Variants in PTPRU observed in about 807,000 individuals in gnomAD.
PTPRU encodes the protein protein tyrosine phosphatase receptor type U.
PTPRU carries 69 observed loss-of-function variants against 166.3 expected under a neutral mutation model. That is an observed-to-expected ratio of 0.41 (90% CI 0.34 to 0.51). The LOEUF (loss-of-function observed/expected upper bound fraction) is 0.51, where lower values mean the gene tolerates loss of function less well. Ranked by LOEUF, PTPRU falls within the 20% of genes least tolerant of loss-of-function variation. The pLI is 0.09. For missense variants in PTPRU, 1,657 were observed against 2,013.7 expected (o/e 0.82, Z 3.39); for synonymous variants, 793 against 814.0 (o/e 0.97, Z 0.44).
Position 29,320,904 on chromosome 1 carries a change from C to A in PTPRU, c.3828+79C>A. 7.2e-7 allele frequency: 1 copy of A among 1,387,760 alleles called. No individual in the cohort carries two copies. Among genetic ancestry groups the A allele is most frequent in the South Asian group, 1.8e-5 (1 of 56,714 alleles). The allele number at this position is 1,387,760 out of a possible 1,614,324, so 86.0% of individuals were successfully genotyped here. A position where few individuals can be genotyped will look rare whatever the true frequency, so the allele number is the denominator to read the frequency against. ...TATTCAGGGCCATGGTCCCCAAAGC[C>A]AAAAGTTGGGTCCCAGCTCTGCCAT... On this transcript the variant is annotated intron_variant, in intron 26 of 29. Transcript: ENST00000373779. The surrounding 1 kb of genome is among the most constrained non-coding windows in gnomAD (Gnocchi z 5.2).
At chr1:29,312,434 T>C (rs1687707587) in intron 21 of PTPRU, 118 bp from the exon 22 acceptor site, 1 of 974,166 alleles carries the variant, frequency 1.0e-6, no homozygotes, top group Non-Finnish European at 1.5e-6. Flanking sequence ...AAATTGATCA[T>C]TGGGATTAGT....
chr1:29,326,302 T>C lies in PTPRU; in HGVS notation c.*641T>C. The C allele has an allele frequency of 6.2e-6, 1 of 162,400 alleles. No individual in the cohort carries two copies. The highest frequency in any genetic ancestry group is 1.8e-4 in the East Asian group (1 of 5,648). The allele number at this position is 162,400 out of a possible 1,614,324, so 10.1% of individuals were successfully genotyped here. Reference sequence around the variant, plus strand: ...CCACTTGCTTCCCTGATATGTGCTCTGAGCTTCCCTGAACCAGGATCTGCC... The same window carrying C: ...CCACTTGCTTCCCTGATATGTGCTCCGAGCTTCCCTGAACCAGGATCTGCC... On this transcript the variant is annotated 3_prime_UTR_variant, in exon 30 of 30. Coordinates refer to ENST00000373779, the MANE Select transcript of PTPRU (RefSeq NM_133178.4).
intron 28 of PTPRU, among the ~76,000 whole-genome samples, chr1:29,324,288 C>T (rs1029859531): frequency 1.3e-5 from 2 of 152,200 alleles, no homozygotes; most frequent in African/African-American, 2.4e-5. Context: ...CTGAGCCTTT[C>T]GAGTGGCAGG....
chr1:29,287,182 C>T (rs1009740588), intron 14 of PTPRU, among the ~76,000 whole-genome samples: 11 of 152,144 alleles, frequency 7.2e-5, no homozygotes, highest in African/African-American at 1.7e-4. Flanking sequence ...ATTCTCCATC[C>T]TGCCCTGCCT....
chr1:29,325,059 C>T (rs770969905), intron 28 of PTPRU, 132 bp from the exon 29 acceptor site: 271 of 1,267,104 alleles, frequency 2.1e-4, no homozygotes, highest in Non-Finnish European at 2.8e-4. Flanking sequence ...GGGCTCTCTG[C>T]CCCACCCTTC....
At chr1:29,255,477 A>T in intron 2 of PTPRU, 71 bp downstream of exon 2, 1 of 1,580,772 alleles carries the variant, frequency 6.3e-7, no homozygotes, top group Non-Finnish European at 8.7e-7. Flanking sequence ...CTGCTGTGTG[A>T]CCTTGGGCAC....
At position 29,315,261 on chromosome 1, in the gene PTPRU, C is replaced by T. The variant is rs775650077; in HGVS notation, c.3228-111C>T. 4.2e-5 allele frequency: 57 copies of T among 1,362,996 alleles called. 1 individual carries two copies. The Middle Eastern group carries it at 1.0e-3, about 24-fold the overall frequency. 84.4% of individuals were successfully genotyped at this position (1,362,996 alleles called of 1,614,324 possible). On this transcript the variant is annotated intron_variant, in intron 22 of 29. Coordinates refer to ENST00000373779, the MANE Select transcript of PTPRU (RefSeq NM_133178.4). This position sits in a 1 kb window ranked among gnomAD's most constrained non-coding sequence, Gnocchi z 4.5. ...CGGGGAGGGGCAGTCATCTCTGTGT[C>T]CGTGTCCCCTGTATGGTGTAGACAT...
chr1:29,310,544 G>A (rs369714286), intron 18 of PTPRU, among the ~76,000 whole-genome samples, 200 bp from the exon 19 acceptor site: 3 of 152,092 alleles, frequency 2.0e-5, no homozygotes, highest in East Asian at 3.9e-4. Context: ...CCACGACTCT[G>A]GTGTCCCAGC....
At chr1:29,304,513 T>G (rs112512982) in intron 16 of PTPRU, among the ~76,000 whole-genome samples, 1 of 152,196 alleles carries the variant, frequency 6.6e-6, no homozygotes, top group Non-Finnish European at 1.5e-5. Context: ...GCCTGACCCT[T>G]ATTCCAAAAT....
chr1:29,236,710 T>C lies in PTPRU; in HGVS notation c.66T>C (p.Thr22=). The part of the protein sequence containing the change: ...TFQLCAPETE[T]PAAGCTFEEA... Reference sequence around the variant, plus strand: ...AGCTCTGCGCGCCGGAGACCGAGACTCCGGCAGGTAAGCGCGCGGCGGCCG... The same window carrying C: ...AGCTCTGCGCGCCGGAGACCGAGACCCCGGCAGGTAAGCGCGCGGCGGCCG... Residue 22 remains threonine, a synonymous_variant, in exon 1 of 30, where the codon ACT becomes ACC. Coordinates refer to ENST00000373779, the MANE Select transcript of PTPRU (RefSeq NM_133178.4). The surrounding 1 kb of genome is among the most constrained non-coding windows in gnomAD (Gnocchi z 4.6). The C allele has an allele frequency of 2.1e-6, 3 of 1,451,048 alleles. No individual in the cohort carries two copies. The highest frequency in any genetic ancestry group is 1.4e-5 in the South Asian group (1 of 73,914). The allele number at this position is 1,451,048 out of a possible 1,614,324, so 89.9% of individuals were successfully genotyped here.
Position 29,279,071 on chromosome 1 carries a change from C to T in PTPRU, c.1513C>T (p.Leu505Phe). ...CACTCCACTGGAGGACATGATCTTC[C>T]TCAAGTGGGAGGAGCCCCAGGAGCC... ...TFTPLEDMIF[L>F]KWEEPQEPNG... Residue 505 changes from leucine to phenylalanine, a missense_variant, in exon 9 of 30, where the codon CTC (leucine) becomes TTC (phenylalanine). By Grantham distance (22) the Leu-to-Phe change is conservative (BLOSUM62 0). Around this residue, in one of 3 missense-constraint regions of PTPRU, gnomAD observed 1,190 missense variants for 1,477.4 expected, o/e 0.81. Coordinates refer to ENST00000373779, the MANE Select transcript of PTPRU (RefSeq NM_133178.4). This position sits in a 1 kb window ranked among gnomAD's most constrained non-coding sequence, Gnocchi z 5.2. 6.3e-7 allele frequency: 1 copy of T among 1,592,344 alleles called. No homozygotes were observed. Among genetic ancestry groups the T allele is most frequent in the Non-Finnish European group, 8.6e-7 (1 of 1,168,974 alleles).
At chr1:29,265,702 C>T (rs1685270310) in intron 7 of PTPRU, among the ~76,000 whole-genome samples, 1 of 152,060 alleles carries the variant, frequency 6.6e-6, no homozygotes, top group South Asian at 2.1e-4. Context: ...TGTATATCCT[C>T]TTTGGTGCAT....
intron 1 of PTPRU, 65 bp from the exon 2 acceptor site, chr1:29,255,210 C>A: frequency 1.3e-6 from 2 of 1,555,910 alleles, no homozygotes; most frequent in South Asian, 1.2e-5. Context: ...TGGGGCTACC[C>A]TCCAGGAGCC....
chr1:29,261,209 G>A (rs190935019), intron 7 of PTPRU, among the ~76,000 whole-genome samples: 1 of 152,322 alleles, frequency 6.6e-6, no homozygotes, highest in Admixed American at 6.5e-5. Context: ...GATGTTAAGT[G>A]ACTGGCCCAA....
chr1:29,297,901 TGG>T (rs574540232), intron 15 of PTPRU, among the ~76,000 whole-genome samples: 27 of 152,044 alleles, frequency 1.8e-4, no homozygotes, highest in Non-Finnish European at 3.7e-4. Flanking sequence ...TTTGGTGAGA[TGG>T]GTATGGTTGA....
chr1:29,288,896 TGCTTTGCG>T (rs1686488298), intron 14 of PTPRU, among the ~76,000 whole-genome samples: 1 of 152,160 alleles, frequency 6.6e-6, no homozygotes, highest in Non-Finnish European at 1.5e-5. Context: ...ACACTGTGGG[TGCTTTGCG>T]GTAAGGTAGG....
Position 29,288,006 on chromosome 1 carries a change from G to A in PTPRU, c.2318+3137G>A, listed in dbSNP as rs1001945213. 2.6e-5 allele frequency among the ~76,000 whole-genome samples: 4 copies of A among 152,130 alleles called. No individual in the cohort carries two copies. The East Asian group carries it at 5.8e-4, about 22-fold the overall frequency. Reference sequence around the variant, plus strand: ...TTTTTTGTATTTTTAGTAGAGACAGGGCATCATCATGTTGGCCAGGCTGGT... The same window carrying A: ...TTTTTTGTATTTTTAGTAGAGACAGAGCATCATCATGTTGGCCAGGCTGGT... On this transcript the variant is annotated intron_variant, in intron 14 of 29. Coordinates refer to ENST00000373779, the MANE Select transcript of PTPRU (RefSeq NM_133178.4).
At chr1:29,244,141 A>C (rs1684180260) in intron 1 of PTPRU, among the ~76,000 whole-genome samples, 1 of 151,988 alleles carries the variant, frequency 6.6e-6, no homozygotes, top group African/African-American at 2.4e-5. Context: ...GATGCTGAGG[A>C]TATTTGACAG....
chr1:29,275,885 A>G (rs1685784730), intron 8 of PTPRU, 129 bp downstream of exon 8: 4 of 1,009,244 alleles, frequency 4.0e-6, no homozygotes, highest in Non-Finnish European at 4.3e-6. Flanking sequence ...GTATAACACC[A>G]AAGTAGTGAT....
Sources: allele counts gnomAD v4.1 joint callset (sites outside exome capture counted in the v4.1 genomes callset), GRCh38; gene constraint gnomAD v4.1.1; regional missense constraint gnomAD v4.1.1; non-coding constraint Gnocchi (gnomAD v3.1); transcripts MANE v1.5; gene names NCBI Gene and HGNC (gene_info 2026-07-23, HGNC 2026-07-21).